HIPK2: variants seen among roughly 807,000 people sequenced by gnomAD.
HIPK2 encodes the protein homeodomain-interacting protein kinase 2.
In HIPK2, 27 loss-of-function variants were observed where a neutral mutation model predicts 113.7. The ratio of observed to expected loss-of-function variants is 0.24; its 90% CI spans 0.17 to 0.33. HIPK2 has a LOEUF of 0.33. Among genes scored for constraint, HIPK2 ranks in the 10% least tolerant of loss-of-function variants. The probability of loss-of-function intolerance (pLI) is 1.00; values close to 1 mark genes in which losing one functional copy is unlikely to be tolerated. For synonymous variants in HIPK2, 631 were observed against 642.2 expected, an observed-to-expected ratio of 0.98 and a Z score of 0.26; for missense variants, 1,257 against 1,588.0, an observed-to-expected ratio of 0.79 and a Z score of 3.54.
rs780311119 is a variant in HIPK2, at chr7:139,573,403, G to A, written c.3127-6C>T. On this transcript the variant is annotated splice_region_variant and splice_polypyrimidine_tract_variant and intron_variant, in intron 14 of 14. Coordinates refer to ENST00000406875, the MANE Select transcript of HIPK2 (RefSeq NM_022740.5). Reference sequence around the variant, plus strand: ...GTGGTGATGTGCTGCTGAGCCTGGGGAGGAGAGGCACCAAGAGAGACGTCA... The same window carrying A: ...GTGGTGATGTGCTGCTGAGCCTGGGAAGGAGAGGCACCAAGAGAGACGTCA... 2.5e-6 allele frequency: 4 copies of A among 1,601,496 alleles called. No homozygotes were observed. Among genetic ancestry groups the A allele is most frequent in the African/African-American group, 2.7e-5 (2 of 74,900 alleles).
rs745534344 is a variant in HIPK2 at position 139,572,991 on chromosome 7, G to A, written c.3533C>T (p.Ala1178Val). 6.2e-6 allele frequency: 10 copies of A among 1,608,936 alleles called. No individual in the cohort carries two copies. The highest frequency in any genetic ancestry group is 1.7e-5 in the Admixed American group (1 of 59,722). Residue 1178 changes from alanine to valine, a missense_variant, in exon 15 of 15, where the codon GCC becomes GTC. By Grantham distance (64) the Ala-to-Val change is moderately conservative (BLOSUM62 0). Transcript: ENST00000406875. Reference sequence around the variant, plus strand: ...TGGGTATCCAGTGTAGACGGTGGAGGCTGGCGAGGCGCTGATGTAGGTCTG... The same window carrying A: ...TGGGTATCCAGTGTAGACGGTGGAGACTGGCGAGGCGCTGATGTAGGTCTG... ...AHQTYISASPASTVYTGYPLS... is the reference protein window; with the variant it reads ...AHQTYISASPVSTVYTGYPLS...
chr7:139,751,097 A>G (rs1024818609), intron 1 of HIPK2, among the ~76,000 whole-genome samples: 4 of 152,238 alleles, frequency 2.6e-5, no homozygotes, highest in Admixed American at 2.6e-4. Context: ...ATACTATAAA[A>G]TCAATCAAAA....
At chr7:139,680,070 AG>A (rs1802644479) in intron 2 of HIPK2, among the ~76,000 whole-genome samples, 1 of 152,224 alleles carries the variant, frequency 6.6e-6, no homozygotes, top group Non-Finnish European at 1.5e-5. Flanking sequence ...GGGGGAGTAC[AG>A]GATTTCCTAA....
intron 2 of HIPK2, among the ~76,000 whole-genome samples, chr7:139,712,380 G>T (rs986342039): frequency 6.6e-6 from 1 of 152,178 alleles, no homozygotes. Context: ...GACAATGGTG[G>T]GATGAGACAC....
At chr7:139,694,814 C>A (rs1325988109) in intron 2 of HIPK2, among the ~76,000 whole-genome samples, 1 of 152,146 alleles carries the variant, frequency 6.6e-6, no homozygotes, top group African/African-American at 2.4e-5. Context: ...GCCTGTTAAC[C>A]CCAGGACAGG....
chr7:139,762,655 T>G (rs1796485736), intron 1 of HIPK2, among the ~76,000 whole-genome samples: 1 of 152,232 alleles, frequency 6.6e-6, no homozygotes, highest in Non-Finnish European at 1.5e-5. Flanking sequence ...TCTAAAAGGG[T>G]GGCAATTTCC....
At chr7:139,586,645 C>T (rs918386551) in intron 12 of HIPK2, among the ~76,000 whole-genome samples, 8 of 151,736 alleles carry the variant, frequency 5.3e-5, no homozygotes, top group African/African-American at 1.9e-4. Flanking sequence ...TGGTGCATGC[C>T]TGTAGTCCCA....
At chr7:139,660,987 G>A (rs1189310506) in intron 2 of HIPK2, among the ~76,000 whole-genome samples, 1 of 150,922 alleles carries the variant, frequency 6.6e-6, no homozygotes, top group African/African-American at 2.4e-5. Context: ...AGAGACTCCC[G>A]GCCTCTAAAA....
intron 13 of HIPK2, 82 bp downstream of exon 13, chr7:139,583,735 T>C (rs1268056239): frequency 7.1e-6 from 11 of 1,549,362 alleles, no homozygotes; most frequent in African/African-American, 5.5e-5. Context: ...CTAGCTCCCA[T>C]ACAGCAACAT....
intron 2 of HIPK2, among the ~76,000 whole-genome samples, chr7:139,703,320 TTGA>T (rs1466218088): frequency 1.8e-4 from 28 of 152,140 alleles, no homozygotes; most frequent in African/African-American, 6.8e-4. Flanking sequence ...GGGTGAATGT[TTGA>T]CTTTCACAAG....
intron 1 of HIPK2, among the ~76,000 whole-genome samples, chr7:139,756,415 T>TTTTGTTTG (rs539978475): frequency 1.3e-5 from 2 of 152,212 alleles, no homozygotes; most frequent in Non-Finnish European, 2.9e-5. Flanking sequence ...TTTATTTAGT[T>TTTTGTTTG]TTTGTTTGTT....
intron 12 of HIPK2, among the ~76,000 whole-genome samples, chr7:139,590,523 C>T (rs1798982461): frequency 6.6e-6 from 1 of 152,196 alleles, no homozygotes; most frequent in Non-Finnish European, 1.5e-5. Context: ...TCATCTCCTC[C>T]AATAACTTCT....
At chr7:139,676,864 TTC>T (rs199672943) in intron 2 of HIPK2, among the ~76,000 whole-genome samples, 1 of 40,576 alleles carries the variant, frequency 2.5e-5, no homozygotes, top group Non-Finnish European at 8.3e-5. Flanking sequence ...TTTTTTCTTT[TTC>T]TTTTTTTTTT....
chr7:139,653,537 G>C lies in HIPK2; in HGVS notation c.1104-21812C>G, dbSNP rs77181328. Among the ~76,000 whole-genome samples the C allele has an allele frequency of 3.1e-3, 471 of 151,638 alleles. 3 individuals carry two copies. Among genetic ancestry groups the C allele is most frequent in the Admixed American group, 4.9e-3 (75 of 15,180 alleles). On this transcript the variant is annotated intron_variant, in intron 2 of 14. Coordinates refer to ENST00000406875, the MANE Select transcript of HIPK2 (RefSeq NM_022740.5). The stretch of plus-strand genomic sequence containing the variant: ...TGCCTCCTGTTACAGACATGCCATT[G>C]AGAGGCACAGGTGATAAGTGAGCAA...
intron 13 of HIPK2, among the ~76,000 whole-genome samples, chr7:139,579,677 G>A (rs1206421641): frequency 3.3e-5 from 5 of 149,744 alleles, no homozygotes; most frequent in Admixed American, 2.6e-4. Context: ...AGTTTCTGGT[G>A]CTCACTACAG....
intron 2 of HIPK2, among the ~76,000 whole-genome samples, chr7:139,670,379 T>C (rs991366001): frequency 4.0e-5 from 6 of 150,212 alleles, no homozygotes; most frequent in African/African-American, 1.2e-4. Context: ...AGGCCAAGAG[T>C]TCAAGACCAG....
intron 10 of HIPK2, among the ~76,000 whole-genome samples, chr7:139,602,734 G>A (rs1454377517): frequency 6.6e-6 from 1 of 152,188 alleles, no homozygotes; most frequent in African/African-American, 2.4e-5. Flanking sequence ...AGTGGGGAGG[G>A]AAGATGACAG....
intron 10 of HIPK2, among the ~76,000 whole-genome samples, chr7:139,602,715 C>T (rs113913271): frequency 5.5e-4 from 83 of 152,110 alleles, no homozygotes; most frequent in African/African-American, 2.0e-3. Flanking sequence ...GAGCATGGGC[C>T]GATGTGATAG....
chr7:139,662,044 C>T (rs1286578380), intron 2 of HIPK2, among the ~76,000 whole-genome samples: 4 of 152,234 alleles, frequency 2.6e-5, no homozygotes, highest in Non-Finnish European at 4.4e-5. Flanking sequence ...CTTCTGACCT[C>T]TACTGAGATC....
Sources: gnomAD v4.1 joint callset for allele counts (sites outside exome capture counted in the v4.1 genomes callset) on GRCh38, gnomAD v4.1.1 for gene constraint, MANE v1.5 for transcripts, NCBI Gene and HGNC (gene_info 2026-07-23, HGNC 2026-07-21) for gene names.